Variants in KDM4C observed in about 807,000 individuals in gnomAD.
KDM4C encodes the protein lysine-specific demethylase 4C.
Under a neutral mutation model 129.3 loss-of-function variants are expected in KDM4C, and 81 were observed. That is an observed-to-expected ratio of 0.63 (90% confidence interval 0.52 to 0.75). KDM4C has a LOEUF of 0.75. KDM4C is among the 30% of genes least tolerant of loss of function. The probability of loss-of-function intolerance (pLI) is 0.00; values close to 1 mark genes in which losing one functional copy is unlikely to be tolerated. For synonymous variants in KDM4C, 573 were observed against 456.1 expected, an observed-to-expected ratio of 1.26 and a Z score of -3.26; for missense variants, 1,457 against 1,304.0, an observed-to-expected ratio of 1.12 and a Z score of -1.81.
At chr9:6,891,388 A>G (rs1443365610) in intron 7 of KDM4C, among the ~76,000 whole-genome samples, 2 of 152,234 alleles carry the variant, frequency 1.3e-5, no homozygotes, top group African/African-American at 4.8e-5. Context: ...AGTTTATGCT[A>G]AGTGGAAGAA....
intron 17 of KDM4C, among the ~76,000 whole-genome samples, chr9:7,061,260 A>T (rs918140379): frequency 5.3e-5 from 8 of 152,336 alleles, no homozygotes; most frequent in African/African-American, 1.7e-4. Context: ...ATTTATTCAT[A>T]GTTGAGCCAT....
intron 18 of KDM4C, among the ~76,000 whole-genome samples, chr9:7,112,893 G>A (rs181510515): frequency 6.6e-6 from 1 of 152,090 alleles, no homozygotes; most frequent in Non-Finnish European, 1.5e-5. Context: ...TTTTGCCGAT[G>A]ATAGAATTGT....
intron 8 of KDM4C, among the ~76,000 whole-genome samples, chr9:6,909,782 G>A (rs913727694): frequency 2.6e-5 from 4 of 151,990 alleles, no homozygotes; most frequent in African/African-American, 7.2e-5. Flanking sequence ...TTTCTGTCCC[G>A]CTAAAAAATT....
chr9:6,826,797 G>A (rs1833953207), intron 4 of KDM4C, among the ~76,000 whole-genome samples: 1 of 151,658 alleles, frequency 6.6e-6, no homozygotes, highest in Non-Finnish European at 1.5e-5. Flanking sequence ...AACCTGGGAG[G>A]TAGAGGTTGC....
chr9:6,916,817 A>C (rs867530744), intron 8 of KDM4C, among the ~76,000 whole-genome samples: 58 of 152,298 alleles, frequency 3.8e-4, no homozygotes, highest in African/African-American at 1.3e-3. Flanking sequence ...AATTTTGATC[A>C]CCTTTGAATA....
intron 1 of KDM4C, among the ~76,000 whole-genome samples, chr9:6,741,430 A>G (rs2130261287): frequency 6.6e-6 from 1 of 152,184 alleles, no homozygotes; most frequent in African/African-American, 2.4e-5. Flanking sequence ...CTCAAGAGGA[A>G]AAGAATATTC....
chr9:7,128,087 G>A lies in KDM4C; in HGVS notation c.2632G>A (p.Val878Ile). Residue 878 changes from valine to isoleucine, a missense_variant, in exon 19 of 22, where the codon GTC (valine) becomes ATC (isoleucine). Transcript: ENST00000381309. ...PNVKSKACEKVISVGQTVITK... is the reference protein window; with the variant it reads ...PNVKSKACEKIISVGQTVITK... ...TTAGAAGTCCAAGGCTTGCGAGAAG[G>A]TCATTTCCGTGGGTCAAACGGTCAT... 1 of 1,592,250 alleles carries A rather than the reference G, an allele frequency of 6.3e-7. No homozygotes were observed. Among genetic ancestry groups the A allele is most frequent in the Non-Finnish European group, 8.5e-7 (1 of 1,170,848 alleles).
chr9:7,017,576 TAA>T (rs1223597782), intron 15 of KDM4C, among the ~76,000 whole-genome samples: 1 of 152,200 alleles, frequency 6.6e-6, no homozygotes, highest in Non-Finnish European at 1.5e-5. Flanking sequence ...GCCATTTGAT[TAA>T]GTTTTACCTT....
At chr9:7,153,588 G>T (rs1471852057) in intron 19 of KDM4C, among the ~76,000 whole-genome samples, 1 of 152,160 alleles carries the variant, frequency 6.6e-6, no homozygotes, top group Admixed American at 6.5e-5. Flanking sequence ...TTTGCATGGT[G>T]TGGGAAGTCC....
At chr9:6,744,634 A>G (rs917886851) in intron 1 of KDM4C, among the ~76,000 whole-genome samples, 1 of 152,196 alleles carries the variant, frequency 6.6e-6, no homozygotes, top group Non-Finnish European at 1.5e-5. Flanking sequence ...GGCCTCAAGC[A>G]ATCCTCCTTC....
chr9:6,861,760 A>G (rs1463919125), intron 5 of KDM4C, among the ~76,000 whole-genome samples: 2 of 151,842 alleles, frequency 1.3e-5, no homozygotes, highest in East Asian at 1.9e-4. Flanking sequence ...TTACTTTACA[A>G]TATATATTTC....
chr9:6,865,281 T>G (rs140265056), intron 5 of KDM4C, among the ~76,000 whole-genome samples: 1 of 152,328 alleles, frequency 6.6e-6, no homozygotes, highest in Non-Finnish European at 1.5e-5. Flanking sequence ...GTTTTGGGAT[T>G]ACAAGCGTGA....
chr9:7,128,079 G>T lies in KDM4C; in HGVS notation c.2624G>T (p.Cys875Phe). 6.4e-7 allele frequency: 1 copy of T among 1,572,424 alleles called. No individual in the cohort carries two copies. The highest frequency in any genetic ancestry group is 8.6e-7 in the Non-Finnish European group (1 of 1,160,112). Reference protein sequence around the residue: ...KVNPNVKSKACEKVISVGQTV... With the variant: ...KVNPNVKSKAFEKVISVGQTV... ...CCCTTCTTTTAGAAGTCCAAGGCTT[G>T]CGAGAAGGTCATTTCCGTGGGTCAA... Residue 875 changes from cysteine to phenylalanine, a missense_variant, in exon 19 of 22, where the codon TGC (cysteine) becomes TTC (phenylalanine). Coordinates refer to ENST00000381309, the MANE Select transcript of KDM4C (RefSeq NM_015061.6).
At chr9:7,042,230 T>C (rs183506565) in intron 15 of KDM4C, among the ~76,000 whole-genome samples, 1 of 152,152 alleles carries the variant, frequency 6.6e-6, no homozygotes, top group African/African-American at 2.4e-5. Context: ...GTCATAAGAG[T>C]AATAAATGGC....
At chr9:6,992,420 T>C (rs1158590639) in intron 12 of KDM4C, among the ~76,000 whole-genome samples, 1 of 152,226 alleles carries the variant, frequency 6.6e-6, no homozygotes, top group East Asian at 1.9e-4. Context: ...ATTGTAGCTT[T>C]TGCAACAGTC....
intron 8 of KDM4C, among the ~76,000 whole-genome samples, chr9:6,949,746 GC>G (rs1827772178): frequency 2.0e-5 from 3 of 152,250 alleles, no homozygotes; most frequent in Admixed American, 2.0e-4. Context: ...GCAGGCTGAG[GC>G]AGGAGAATCA....
intron 1 of KDM4C, chr9:6,734,973 C>G (rs961253576): frequency 3.5e-6 from 2 of 570,534 alleles, no homozygotes; most frequent in Non-Finnish European, 7.0e-6. Context: ...CACATCAACT[C>G]CAACCACACT....
At chr9:6,805,930 GTGGTTGC>G (rs1473440726) in intron 3 of KDM4C, among the ~76,000 whole-genome samples, 156 bp downstream of exon 3, 1 of 152,088 alleles carries the variant, frequency 6.6e-6, no homozygotes, top group Non-Finnish European at 1.5e-5. Context: ...TGTTCTTTAG[GTGGTTGC>G]TGAACATTTG....
chr9:7,072,317 G>T (rs1264609239), intron 17 of KDM4C, among the ~76,000 whole-genome samples: 1 of 152,102 alleles, frequency 6.6e-6, no homozygotes, highest in African/African-American at 2.4e-5. Context: ...TTACTTAAGA[G>T]AAATGAAAAT....
Sources: gnomAD v4.1 joint callset for allele counts (sites outside exome capture counted in the v4.1 genomes callset) on GRCh38, gnomAD v4.1.1 for gene constraint, MANE v1.5 for transcripts, NCBI Gene and HGNC (gene_info 2026-07-23, HGNC 2026-07-21) for gene names.